ZNF33A: variants seen among roughly 807,000 people sequenced by gnomAD.
The protein encoded by ZNF33A is brain my041 protein.
A neutral mutation model predicts 15.9 loss-of-function variants in ZNF33A; 9 were observed. That is an observed-to-expected ratio of 0.57 (90% CI 0.34 to 0.99). The LOEUF is 0.99. Ranked by LOEUF, ZNF33A falls within the 50% of genes least tolerant of loss-of-function variation. The pLI, the probability that ZNF33A is intolerant of heterozygous loss-of-function variation, is 0.02. For synonymous variants in ZNF33A, 294 were observed against 324.2 expected (o/e 0.91, Z 1.00); for missense variants, 843 against 941.6 (o/e 0.90, Z 1.37).
Position 38,057,715 on chromosome 10 carries a change from A to T in ZNF33A, c.*1155A>T, listed in dbSNP as rs2066543567. The T allele has an allele frequency of 3.6e-5, 35 of 985,336 alleles. No homozygotes were observed. Among genetic ancestry groups the T allele is most frequent in the East Asian group, 1.1e-4 (1 of 8,816 alleles). 61.0% of individuals were successfully genotyped at this position (985,336 alleles called of 1,614,324 possible). A position where few individuals can be genotyped will look rare whatever the true frequency, so the allele number is the denominator to read the frequency against. On this transcript the variant is annotated 3_prime_UTR_variant, in exon 5 of 5. Coordinates refer to ENST00000432900, the MANE Select transcript of ZNF33A (RefSeq NM_006954.2). Reference sequence around the variant, plus strand: ...CCCTTTCTCTTCCTACCTGTGGCTCATGCCATGCCATGAAGTGCCTAGGGT... The same window carrying T: ...CCCTTTCTCTTCCTACCTGTGGCTCTTGCCATGCCATGAAGTGCCTAGGGT...
intron 4 of ZNF33A, among the ~76,000 whole-genome samples, chr10:38,029,901 G>A (rs2065139568): frequency 1.3e-5 from 2 of 152,170 alleles, no homozygotes; most frequent in Admixed American, 1.3e-4. Context: ...GAGTATCAAT[G>A]TGAGAGAACA....
intron 4 of ZNF33A, chr10:38,039,521 C>G (rs2065604428): frequency 2.2e-6 from 1 of 456,014 alleles, no homozygotes; most frequent in Non-Finnish European, 4.4e-6. Flanking sequence ...GCCACAGCAT[C>G]CCACCTGTAA....
chr10:38,054,912 T>C lies in ZNF33A; in HGVS notation c.788T>C (p.Leu263Ser). Residue 263 changes from leucine to serine, a missense_variant, in exon 5 of 5, where the codon TTG becomes TCG. Leu to Ser is a moderately radical substitution (Grantham distance 145, BLOSUM62 -2). Transcript: ENST00000432900. ...ACTTTGTGTGATAGTTCATCCCTCTTGTTCCATCAGATATCTCCGTCAAGG... is the reference window on the plus strand; with the variant it reads ...ACTTTGTGTGATAGTTCATCCCTCTCGTTCCATCAGATATCTCCGTCAAGG... Reference protein sequence around the residue: ...GRTLCDSSSLLFHQISPSRDN... With the variant: ...GRTLCDSSSLSFHQISPSRDN... 1 of 1,613,954 alleles carries C rather than the reference T, an allele frequency of 6.2e-7. No homozygotes were observed. The highest frequency in any genetic ancestry group is 8.5e-7 in the Non-Finnish European group (1 of 1,180,000).
At chr10:38,053,204 A>G (rs1047765980) in intron 4 of ZNF33A, among the ~76,000 whole-genome samples, 1 of 152,170 alleles carries the variant, frequency 6.6e-6, no homozygotes, top group Non-Finnish European at 1.5e-5. Context: ...CAGACTGGGT[A>G]GCTTAAATAA....
chr10:38,064,231 A>C (rs2066688787), downstream of ZNF33A: 1 of 905,304 alleles, frequency 1.1e-6, no homozygotes, highest in Non-Finnish European at 1.7e-6. Flanking sequence ...GATGGTGGTC[A>C]CATCTCCAAC....
In ZNF33A at chr10:38,057,305, A is replaced by G; in HGVS notation, c.*745A>G. On this transcript the variant is annotated 3_prime_UTR_variant, in exon 5 of 5. Transcript: ENST00000432900. Reference sequence around the variant, plus strand: ...TATTAATAACCACACGCTTTCTGCAACCCTATCCCTTGCATCCACTTGACT... The same window carrying G: ...TATTAATAACCACACGCTTTCTGCAGCCCTATCCCTTGCATCCACTTGACT... The G allele has an allele frequency of 1.0e-6, 1 of 981,896 alleles. No individual in the cohort carries two copies. Among genetic ancestry groups the G allele is most frequent in the Non-Finnish European group, 1.2e-6 (1 of 826,582 alleles). The allele number at this position is 981,896 out of a possible 1,614,324, so 60.8% of individuals were successfully genotyped here.
intron 4 of ZNF33A, among the ~76,000 whole-genome samples, chr10:38,050,539 G>A (rs532400495): frequency 3.4e-4 from 52 of 152,342 alleles, no homozygotes; most frequent in African/African-American, 1.3e-3. Context: ...ACTGGACTAT[G>A]TGTGCAAGTA....
At position 38,059,377 on chromosome 10, in the gene ZNF33A, GAAAT is replaced by G. The variant is rs1001888855; in HGVS notation, c.*2821_*2824del. On this transcript the variant is annotated 3_prime_UTR_variant, in exon 5 of 5. Coordinates refer to ENST00000432900, the MANE Select transcript of ZNF33A (RefSeq NM_006954.2). ...ATATAATGCAGTGTTAAAAAAAAAA[GAAAT>G]AAAATGCACATAGATTTGAAAGGAT... The G allele has an allele frequency of 5.3e-5, 8 of 151,876 alleles. No homozygotes were observed. Among genetic ancestry groups the G allele is most frequent in the African/African-American group, 1.7e-4 (7 of 41,330 alleles). 9.4% of individuals were successfully genotyped at this position (151,876 alleles called of 1,614,324 possible).
intron 4 of ZNF33A, among the ~76,000 whole-genome samples, chr10:38,033,962 C>T (rs969634269): frequency 3.9e-5 from 6 of 152,026 alleles, no homozygotes; most frequent in African/African-American, 9.7e-5. Flanking sequence ...CCACCCACCT[C>T]GGCCTCCCAA....
chr10:38,015,237 G>T (rs1474633552), intron 2 of ZNF33A, among the ~76,000 whole-genome samples: 1 of 151,984 alleles, frequency 6.6e-6, no homozygotes, highest in South Asian at 2.1e-4. Context: ...ATTTTCTCTT[G>T]ATGGCTTTGA....
intron 4 of ZNF33A, among the ~76,000 whole-genome samples, chr10:38,022,402 A>G (rs1288365828): frequency 3.9e-5 from 6 of 152,164 alleles, no homozygotes; most frequent in Non-Finnish European, 7.3e-5. Context: ...CATGCCTGTT[A>G]TTCCAACACT....
chr10:38,014,131 T>C (rs1487841072), intron 2 of ZNF33A, among the ~76,000 whole-genome samples: 2 of 138,294 alleles, frequency 1.4e-5, no homozygotes, highest in Non-Finnish European at 3.0e-5. Context: ...AGCCTCTGCC[T>C]TCAGGGCCCA....
chr10:38,041,847 G>A (rs979211629), intron 4 of ZNF33A, among the ~76,000 whole-genome samples: 67 of 152,072 alleles, frequency 4.4e-4, no homozygotes, highest in African/African-American at 1.6e-3. Flanking sequence ...GCTTTTTGTT[G>A]TTGTTGTTGT....
chr10:38,039,078 A>G (rs1298193817), intron 4 of ZNF33A, among the ~76,000 whole-genome samples: 1 of 152,088 alleles, frequency 6.6e-6, no homozygotes, highest in East Asian at 1.9e-4. Flanking sequence ...TATTGGGATC[A>G]TAGAATGAGC....
chr10:38,064,603 G>A (rs1346671635), downstream of ZNF33A: 1 of 152,904 alleles, frequency 6.5e-6, no homozygotes, highest in Non-Finnish European at 1.5e-5. Flanking sequence ...AAGGTCCCCG[G>A]GCTAGGAGAC....
intron 2 of ZNF33A, chr10:38,015,926 T>G: frequency 9.0e-7 from 1 of 1,112,182 alleles, no homozygotes; most frequent in Non-Finnish European, 1.1e-6. Context: ...GTAATTTCAG[T>G]ATATGCTCAT....
intron 4 of ZNF33A, among the ~76,000 whole-genome samples, chr10:38,025,532 A>G (rs1286089160): frequency 6.6e-6 from 1 of 152,242 alleles, no homozygotes; most frequent in Middle Eastern, 3.2e-3. Context: ...CGATGTGAAT[A>G]TGCAGTGGCC....
chr10:38,054,094 G>C (rs1197317058), intron 4 of ZNF33A, among the ~76,000 whole-genome samples: 4 of 152,198 alleles, frequency 2.6e-5, no homozygotes, highest in Non-Finnish European at 5.9e-5. Flanking sequence ...GATGTAAGCA[G>C]CTGCTATTAT....
At chr10:38,060,498 A>G (rs1590734848), downstream of ZNF33A, among the ~76,000 whole-genome samples, 1 of 152,114 alleles carries the variant, frequency 6.6e-6, no homozygotes, top group African/African-American at 2.4e-5. Flanking sequence ...TCTGCTCCCT[A>G]GTCGAACCCT....
Sources: gnomAD v4.1 joint callset for allele counts (sites outside exome capture counted in the v4.1 genomes callset) on GRCh38, gnomAD v4.1.1 for gene constraint, MANE v1.5 for transcripts, NCBI Gene and HGNC (gene_info 2026-07-23, HGNC 2026-07-21) for gene names.